Variants in NKAIN2 observed in about 807,000 individuals in gnomAD.
NKAIN2 encodes the protein sodium/potassium transporting ATPase interacting 2.
NKAIN2 carries 14 observed loss-of-function variants against 32.6 expected under a neutral mutation model. That is an observed-to-expected ratio of 0.43 (90% CI 0.28 to 0.67). NKAIN2 has a LOEUF of 0.67. Among genes scored for constraint, NKAIN2 ranks in the 30% least tolerant of loss-of-function variants. The pLI is 0.17. For synonymous variants in NKAIN2, 80 were observed against 87.2 expected (o/e 0.92, Z 0.46); for missense variants, 198 against 258.3 (o/e 0.77, Z 1.60).
intron 2 of NKAIN2, among the ~76,000 whole-genome samples, chr6:124,348,290 C>A (rs2115115423): frequency 6.6e-6 from 1 of 152,210 alleles, no homozygotes; most frequent in East Asian, 1.9e-4. Flanking sequence ...GGGTCAGGGG[C>A]CCACTTGAGG....
chr6:124,505,190 AAAAT>A (rs2114757868), intron 3 of NKAIN2, among the ~76,000 whole-genome samples: 1 of 152,344 alleles, frequency 6.6e-6, no homozygotes, highest in East Asian at 1.9e-4. Flanking sequence ...AATAAAAACT[AAAAT>A]AAATCCAATC....
chr6:124,575,219 T>A (rs1417378032), intron 3 of NKAIN2, among the ~76,000 whole-genome samples: 1 of 152,196 alleles, frequency 6.6e-6, no homozygotes, highest in East Asian at 1.9e-4. Context: ...GGAGACCTCC[T>A]CAGCACTGGC....
chr6:124,083,997 A>T (rs530393308), intron 1 of NKAIN2, among the ~76,000 whole-genome samples: 1 of 152,134 alleles, frequency 6.6e-6, no homozygotes, highest in Non-Finnish European at 1.5e-5. Context: ...AACAGGTACC[A>T]ATAAAGCTAT....
chr6:124,336,963 A>G (rs1797903365), intron 2 of NKAIN2, among the ~76,000 whole-genome samples: 1 of 151,974 alleles, frequency 6.6e-6, no homozygotes, highest in South Asian at 2.1e-4. Flanking sequence ...GAGCCACAGC[A>G]CCTGGCCTGT....
At chr6:124,563,451 T>G (rs7764182) in intron 3 of NKAIN2, among the ~76,000 whole-genome samples, 3,242 of 152,332 alleles carry the variant, frequency 0.021, 118 homozygotes, top group African/African-American at 0.075. Context: ...AGTTTACCTT[T>G]GCTTCTTTGC....
At chr6:124,817,095 T>G (rs1455077967) in intron 5 of NKAIN2, among the ~76,000 whole-genome samples, 1 of 152,142 alleles carries the variant, frequency 6.6e-6, no homozygotes. Flanking sequence ...ATTCCAAGAC[T>G]GAGCTGACTC....
At chr6:124,327,580 A>G (rs1176806807) in intron 2 of NKAIN2, among the ~76,000 whole-genome samples, 1 of 152,184 alleles carries the variant, frequency 6.6e-6, no homozygotes. Context: ...ACTCAATTTT[A>G]TAATGGGGAT....
chr6:124,239,534 T>C (rs961859139), intron 1 of NKAIN2, among the ~76,000 whole-genome samples: 1 of 152,060 alleles, frequency 6.6e-6, no homozygotes, highest in Admixed American at 6.6e-5. Flanking sequence ...ACGAAAATCA[T>C]AAAAAACAGT....
At chr6:124,104,806 GGGAGGTCA>G (rs765450643) in intron 1 of NKAIN2, among the ~76,000 whole-genome samples, 93 of 152,108 alleles carry the variant, frequency 6.1e-4, no homozygotes, top group Non-Finnish European at 1.2e-3. Flanking sequence ...TAATAGCCAC[GGGAGGTCA>G]CTGGCATTTT....
At chr6:124,311,915 T>G (rs1796734164) in intron 2 of NKAIN2, among the ~76,000 whole-genome samples, 1 of 152,204 alleles carries the variant, frequency 6.6e-6, no homozygotes, top group South Asian at 2.1e-4. Flanking sequence ...AAAGCAAAAA[T>G]GTACTCTCCT....
At chr6:124,344,984 C>G (rs887498049) in intron 2 of NKAIN2, among the ~76,000 whole-genome samples, 4 of 152,050 alleles carry the variant, frequency 2.6e-5, no homozygotes, top group African/African-American at 9.7e-5. Flanking sequence ...ATAGATAGCC[C>G]TTATTATTTT....
intron 1 of NKAIN2, among the ~76,000 whole-genome samples, chr6:124,133,567 C>A (rs2114278235): frequency 6.6e-6 from 1 of 152,080 alleles, no homozygotes; most frequent in African/African-American, 2.4e-5. Context: ...GCTTGAAGCC[C>A]AGATCATCAA....
At chr6:124,498,265 A>G (rs1367776181) in intron 3 of NKAIN2, among the ~76,000 whole-genome samples, 5 of 152,166 alleles carry the variant, frequency 3.3e-5, no homozygotes, top group African/African-American at 7.2e-5. Context: ...TGTGCTTTGT[A>G]GCCGAGCAAG....
chr6:123,870,677 T>C (rs1467408542), intron 1 of NKAIN2, among the ~76,000 whole-genome samples: 2 of 152,210 alleles, frequency 1.3e-5, no homozygotes, highest in Admixed American at 1.3e-4. Context: ...AGTTTTTCTT[T>C]CATGTCACTT....
intron 2 of NKAIN2, among the ~76,000 whole-genome samples, chr6:124,353,754 C>CAAAAA (rs35531198): frequency 0.023 from 3,345 of 145,472 alleles, 130 homozygotes; most frequent in African/African-American, 0.079. Context: ...GACTCCGTCT[C>CAAAAA]AAAAAAAAAA....
At chr6:124,316,677 C>A (rs777227382) in intron 2 of NKAIN2, among the ~76,000 whole-genome samples, 1 of 152,066 alleles carries the variant, frequency 6.6e-6, no homozygotes, top group Non-Finnish European at 1.5e-5. Context: ...TCAAGTAATA[C>A]TTCTTAATGC....
chr6:124,384,625 CTT>C (rs1583165488), intron 3 of NKAIN2, among the ~76,000 whole-genome samples: 1 of 146,680 alleles, frequency 6.8e-6, no homozygotes, highest in Non-Finnish European at 1.5e-5. Flanking sequence ...CTCTTGCACA[CTT>C]TCTGTTTTTT....
chr6:124,547,144 GA>G (rs2114858027), intron 3 of NKAIN2, among the ~76,000 whole-genome samples: 1 of 151,594 alleles, frequency 6.6e-6, no homozygotes, highest in East Asian at 1.9e-4. Flanking sequence ...ATTATGTAAA[GA>G]AAAAAGTATT....
chr6:124,020,765 A>G (rs1364111398), intron 1 of NKAIN2, among the ~76,000 whole-genome samples: 1 of 152,146 alleles, frequency 6.6e-6, no homozygotes, highest in Non-Finnish European at 1.5e-5. Context: ...GGTTTTTGTG[A>G]ACTGTTTATA....
Sources: gnomAD v4.1 joint callset for allele counts (sites outside exome capture counted in the v4.1 genomes callset) on GRCh38, gnomAD v4.1.1 for gene constraint, MANE v1.5 for transcripts, NCBI Gene and HGNC (gene_info 2026-07-23, HGNC 2026-07-21) for gene names.